Variants in ST6GALNAC3 observed in about 807,000 individuals in gnomAD.
ST6GALNAC3 encodes alpha-N-acetylgalactosaminide alpha-2,6-sialyltransferase 3.
A neutral mutation model predicts 32.7 loss-of-function variants in ST6GALNAC3; 25 were observed. The ratio of observed to expected loss-of-function variants is 0.76; its 90% CI spans 0.56 to 1.07. The LOEUF is 1.07. Among genes scored for constraint, ST6GALNAC3 ranks in the 50% least tolerant of loss-of-function variants. The pLI, the probability that ST6GALNAC3 is intolerant of heterozygous loss-of-function variation, is 0.00. For missense variants in ST6GALNAC3, 355 were observed against 382.4 expected (o/e 0.93, Z 0.60); for synonymous variants, 129 against 133.1 (o/e 0.97, Z 0.21).
chr1:76,097,787 A>G (rs1647160532), intron 1 of ST6GALNAC3, among the ~76,000 whole-genome samples: 1 of 152,196 alleles, frequency 6.6e-6, no homozygotes, highest in South Asian at 2.1e-4. Context: ...AGCTATAAAT[A>G]CTGATGTTGT....
intron 2 of ST6GALNAC3, among the ~76,000 whole-genome samples, chr1:76,398,738 A>T (rs1349936997): frequency 6.6e-6 from 1 of 152,200 alleles, no homozygotes; most frequent in African/African-American, 2.4e-5. Flanking sequence ...GACATATAGC[A>T]GGAAGTAGAA....
intron 3 of ST6GALNAC3, among the ~76,000 whole-genome samples, chr1:76,536,313 CTGGGT>C (rs1194513101): frequency 6.6e-6 from 1 of 152,048 alleles, no homozygotes; most frequent in Non-Finnish European, 1.5e-5. Context: ...ATACCTGAGG[CTGGGT>C]AATTTATAAA....
chr1:76,092,545 G>A lies in ST6GALNAC3; in HGVS notation c.18+17661G>A, dbSNP rs138630700. On this transcript the variant is annotated intron_variant, in intron 1 of 4. Coordinates refer to ENST00000328299, the MANE Select transcript of ST6GALNAC3 (RefSeq NM_152996.4). ...ACCCTTCAAAATGGGTGCTATTATTGTGTCCATTTGACAGAGAAGTAAACT... is the reference window on the plus strand; with the variant it reads ...ACCCTTCAAAATGGGTGCTATTATTATGTCCATTTGACAGAGAAGTAAACT... Among the ~76,000 whole-genome samples, 1,395 of 152,234 alleles carry A rather than the reference G, an allele frequency of 9.2e-3. 11 individuals are homozygous for A. The highest frequency in any genetic ancestry group is 0.014 in the Non-Finnish European group (949 of 68,028).
At chr1:76,439,861 C>A (rs181770355) in intron 3 of ST6GALNAC3, among the ~76,000 whole-genome samples, 54 of 152,302 alleles carry the variant, frequency 3.5e-4, no homozygotes, top group African/African-American at 1.3e-3. Flanking sequence ...CTTCCACTTA[C>A]CATCAGTGTC....
intron 3 of ST6GALNAC3, among the ~76,000 whole-genome samples, chr1:76,440,119 G>A (rs1656438834): frequency 6.6e-6 from 1 of 152,170 alleles, no homozygotes; most frequent in African/African-American, 2.4e-5. Context: ...TTTTTACAAG[G>A]CAAATGGCAA....
rs1661673295 is a variant in ST6GALNAC3 at position 76,509,139 on chromosome 1, A to G, written c.623+96722A>G. 6.6e-6 allele frequency among the ~76,000 whole-genome samples: 1 copy of G among 152,242 alleles called. No homozygotes were observed. Among genetic ancestry groups the G allele is most frequent in the African/African-American group, 2.4e-5 (1 of 41,456 alleles). On this transcript the variant is annotated intron_variant, in intron 3 of 4. Coordinates refer to ENST00000328299, the MANE Select transcript of ST6GALNAC3 (RefSeq NM_152996.4). The surrounding 1 kb of genome is among the most constrained non-coding windows in gnomAD (Gnocchi z 5.5). ...TGTTCGTCAATTGTTGATGTAGTGT[A>G]AAATGATTTTAATGCTTGTGGTCTA... is the stretch of plus-strand genomic sequence containing the variant.
At chr1:76,178,433 G>T (rs989442737) in intron 1 of ST6GALNAC3, among the ~76,000 whole-genome samples, 43 of 152,206 alleles carry the variant, frequency 2.8e-4, no homozygotes, top group Admixed American at 1.9e-3. Context: ...AAGGAAACAT[G>T]ACCATGTTCA....
chr1:76,570,208 A>T (rs996630839), intron 3 of ST6GALNAC3, among the ~76,000 whole-genome samples: 2 of 152,146 alleles, frequency 1.3e-5, no homozygotes, highest in African/African-American at 4.8e-5. Flanking sequence ...TTAAACCTTT[A>T]TGGAATATCT....
intron 1 of ST6GALNAC3, among the ~76,000 whole-genome samples, chr1:76,132,377 AG>A (rs1649666809): frequency 6.6e-6 from 1 of 151,950 alleles, no homozygotes. Context: ...CTGAATCTTC[AG>A]GGGGGCAATC....
intron 1 of ST6GALNAC3, among the ~76,000 whole-genome samples, chr1:76,182,539 TGTG>T (rs989592579): frequency 6.6e-6 from 1 of 152,178 alleles, no homozygotes; most frequent in Non-Finnish European, 1.5e-5. Flanking sequence ...GTGTGTGTGT[TGTG>T]GGGGGTATCC....
intron 3 of ST6GALNAC3, among the ~76,000 whole-genome samples, chr1:76,462,699 A>T (rs754891003): frequency 7.2e-5 from 11 of 152,318 alleles, no homozygotes; most frequent in South Asian, 4.1e-4. Context: ...ACAGTGAAAG[A>T]CATTTAGGCA....
intron 3 of ST6GALNAC3, among the ~76,000 whole-genome samples, chr1:76,445,311 A>G (rs1656895343): frequency 6.6e-6 from 1 of 152,176 alleles, no homozygotes; most frequent in African/African-American, 2.4e-5. Flanking sequence ...CATGATAGAT[A>G]TGCAAATCCT....
chr1:76,343,885 T>C (rs540524883), intron 2 of ST6GALNAC3, among the ~76,000 whole-genome samples: 116 of 152,346 alleles, frequency 7.6e-4, no homozygotes, highest in Non-Finnish European at 1.5e-3. Context: ...AGAGGAATTA[T>C]GGCAACCTAT....
At chr1:76,275,725 T>C (rs1267236164) in intron 1 of ST6GALNAC3, among the ~76,000 whole-genome samples, 3 of 152,234 alleles carry the variant, frequency 2.0e-5, no homozygotes, top group African/African-American at 7.2e-5. Context: ...AATTGATGGC[T>C]AGTATTTAAG....
At chr1:76,396,234 G>A (rs1652945650) in intron 2 of ST6GALNAC3, among the ~76,000 whole-genome samples, 1 of 152,184 alleles carries the variant, frequency 6.6e-6, no homozygotes, top group Non-Finnish European at 1.5e-5. Context: ...GAAGACCAAG[G>A]TGGGAGGATT....
intron 1 of ST6GALNAC3, among the ~76,000 whole-genome samples, chr1:76,219,314 T>A (rs1326286876): frequency 3.9e-5 from 6 of 152,200 alleles, no homozygotes; most frequent in Non-Finnish European, 7.4e-5. Context: ...TCCCAGCCCC[T>A]CACTTAAGTT....
chr1:76,221,804 T>C (rs944623634), intron 1 of ST6GALNAC3, among the ~76,000 whole-genome samples: 3 of 152,196 alleles, frequency 2.0e-5, no homozygotes, highest in Admixed American at 2.0e-4. Context: ...TCTGACTTAA[T>C]TCAACTTAAC....
intron 2 of ST6GALNAC3, among the ~76,000 whole-genome samples, chr1:76,410,535 G>A (rs1176211227): frequency 6.6e-6 from 1 of 152,000 alleles, no homozygotes. Context: ...TATTATATGG[G>A]ATGATAGTTT....
chr1:76,237,469 C>A (rs558234245), intron 1 of ST6GALNAC3, among the ~76,000 whole-genome samples: 4 of 152,262 alleles, frequency 2.6e-5, no homozygotes, highest in East Asian at 3.9e-4. Context: ...TTAGCTAAGC[C>A]TTTAGGTTCA....
Sources: allele counts gnomAD v4.1 joint callset (sites outside exome capture counted in the v4.1 genomes callset), GRCh38; gene constraint gnomAD v4.1.1; non-coding constraint Gnocchi (gnomAD v3.1); transcripts MANE v1.5; gene names NCBI Gene and HGNC (gene_info 2026-07-23, HGNC 2026-07-21).